Variants in MYL11 observed in about 807,000 individuals in gnomAD.
The protein encoded by MYL11 is myosin light chain 11.
At chr16:30,376,052 G>A in the MYL11 span, 1 of 1,518,860 alleles carries the variant, frequency 6.6e-7, no homozygotes, top group Admixed American at 1.7e-5. Flanking sequence ...GAAGAGGACA[G>A]TTGGCTGAGA....
At chr16:30,376,371 G>T in the MYL11 span, 1 of 1,578,420 alleles carries the variant, frequency 6.3e-7, no homozygotes, top group Non-Finnish European at 8.7e-7. Context: ...GGGAAGCGCA[G>T]GCCCGGCCCC....
the MYL11 span, among the ~76,000 whole-genome samples, chr16:30,375,094 T>G: frequency 2.6e-5 from 4 of 152,200 alleles, no homozygotes; most frequent in Admixed American, 2.6e-4. Context: ...CCTGATCCAT[T>G]CATTCCTGTA....
the MYL11 span, chr16:30,374,660 T>C: frequency 1.0e-5 from 6 of 579,254 alleles, no homozygotes; most frequent in Non-Finnish European, 1.8e-5. Flanking sequence ...CTCCAGCTGC[T>C]GCCAGCCCTC....
chr16:30,373,025 G>C, the MYL11 span: 1 of 152,288 alleles, frequency 6.6e-6, no homozygotes, highest in South Asian at 2.1e-4. Flanking sequence ...TGGTATGTCA[G>C]TTTCTGCATT....
chr16:30,376,304 T>G, the MYL11 span: 7 of 1,561,996 alleles, frequency 4.5e-6, no homozygotes, highest in Non-Finnish European at 6.1e-6. Context: ...CCCTGTCAGC[T>G]CCACCTTGGG....
chr16:30,376,132 C>T, the MYL11 span: 179 of 1,612,512 alleles, frequency 1.1e-4, no homozygotes, highest in South Asian at 1.1e-3. Flanking sequence ...CTCCCCACCA[C>T]GGCCCTCCCC....
the MYL11 span, among the ~76,000 whole-genome samples, chr16:30,375,272 C>G: frequency 6.6e-6 from 1 of 152,064 alleles, no homozygotes; most frequent in Non-Finnish European, 1.5e-5. Context: ...TCGAGACCAG[C>G]CTGGCCAACA....
the MYL11 span, chr16:30,377,825 C>A: frequency 6.2e-7 from 1 of 1,614,118 alleles, no homozygotes; most frequent in Middle Eastern, 1.7e-4. Context: ...CCTTCCCCCC[C>A]GACGTGGGCG....
At chr16:30,372,151 C>T in the MYL11 span, among the ~76,000 whole-genome samples, 1 of 152,168 alleles carries the variant, frequency 6.6e-6, no homozygotes, top group East Asian at 1.9e-4. Context: ...TGGAGTCCTC[C>T]TCCTCTCCCA....
chr16:30,377,299 C>G, the MYL11 span, among the ~76,000 whole-genome samples: 1 of 152,076 alleles, frequency 6.6e-6, no homozygotes, highest in Admixed American at 6.5e-5. Context: ...AGGAAGATCC[C>G]TTGAGCCCAA....
At chr16:30,371,705 T>C in the MYL11 span, among the ~76,000 whole-genome samples, 1 of 152,074 alleles carries the variant, frequency 6.6e-6, no homozygotes, top group Admixed American at 6.6e-5. Context: ...ACTCCCCATA[T>C]GTGTGTTACT....
chr16:30,377,608 G>A, the MYL11 span: 1 of 1,434,650 alleles, frequency 7.0e-7, no homozygotes, highest in South Asian at 1.6e-5. Flanking sequence ...GAGTGGAAAG[G>A]AACCAGGAAC....
chr16:30,377,716 G>A, the MYL11 span: 3 of 1,580,010 alleles, frequency 1.9e-6, no homozygotes, highest in African/African-American at 1.3e-5. Context: ...AGTGGGGACC[G>A]GGGCGGGGCC....
the MYL11 span, chr16:30,376,180 T>C: frequency 1.9e-6 from 3 of 1,613,874 alleles, no homozygotes; most frequent in African/African-American, 4.0e-5. Flanking sequence ...GTGATGGTAT[T>C]ATAGACAAGG....
chr16:30,376,005 G>T, the MYL11 span: 4 of 1,507,710 alleles, frequency 2.7e-6, no homozygotes, highest in Admixed American at 5.4e-5. Flanking sequence ...GGAGGGGAAA[G>T]GTTTAGAATT....
chr16:30,376,689 A>T, the MYL11 span: 3 of 1,613,796 alleles, frequency 1.9e-6, no homozygotes, highest in East Asian at 6.7e-5. Flanking sequence ...GGCACCATCA[A>T]GAAGAAGTTG....
At chr16:30,371,450 C>T in the MYL11 span, among the ~76,000 whole-genome samples, 1 of 152,166 alleles carries the variant, frequency 6.6e-6, no homozygotes, top group African/African-American at 2.4e-5. Context: ...CCCAACTAAC[C>T]CCAACACTCC....
chr16:30,376,215 C>T, the MYL11 span: 4 of 1,613,872 alleles, frequency 2.5e-6, no homozygotes, highest in Non-Finnish European at 2.5e-6. Context: ...ACCTTCGCAG[C>T]CATGGGTGAG....
At chr16:30,377,694 CAGG>C in the MYL11 span, 2 of 1,562,780 alleles carry the variant, frequency 1.3e-6, no homozygotes, top group Non-Finnish European at 1.7e-6. Flanking sequence ...CCGCTTCTCC[CAGG>C]AGGAGGTGAG....
Sources: gnomAD v4.1 joint callset for allele counts (sites outside exome capture counted in the v4.1 genomes callset) on GRCh38, gnomAD v4.1.1 for gene constraint, MANE v1.5 for transcripts, NCBI Gene and HGNC (gene_info 2026-07-23, HGNC 2026-07-21) for gene names.